Variants in APOBR observed in about 807,000 individuals in gnomAD.
APOBR encodes apoB-48R.
In APOBR, 57 loss-of-function variants were observed where a neutral mutation model predicts 88.5. The observed-to-expected ratio is 0.64, with a 90% CI of 0.52 to 0.80. APOBR has a LOEUF of 0.80. Among genes scored for constraint, APOBR ranks in the 30% least tolerant of loss-of-function variants. The pLI is 0.00. For synonymous variants in APOBR, 588 were observed against 572.7 expected (o/e 1.03, Z -0.38); for missense variants, 1,443 against 1,401.6 (o/e 1.03, Z -0.47).
Position 28,496,715 on chromosome 16 carries a change from C to A in APOBR, c.1674C>A (p.Val558=). ...GVEWGGLTHS[V]TKGQGPELMG... ...AATGGGGTGGCCTCACACACAGCGTCACCAAAGGCCAAGGACCTGAGCTGA... is the reference window on the plus strand; with the variant it reads ...AATGGGGTGGCCTCACACACAGCGTAACCAAAGGCCAAGGACCTGAGCTGA... Residue 558 remains valine (V), a synonymous_variant, in exon 2 of 4, where the codon GTC becomes GTA. Transcript: ENST00000564831. The A allele has an allele frequency of 6.2e-7, 1 of 1,600,366 alleles. No individual in the cohort carries two copies. The highest frequency in any genetic ancestry group is 2.3e-5 in the East Asian group (1 of 44,380).
At position 28,494,705 on chromosome 16, in the gene APOBR, C is replaced by T; in HGVS notation, c.24C>T (p.Leu8=). 1 of 1,612,516 alleles carries T rather than the reference C, an allele frequency of 6.2e-7. No homozygotes were observed. The highest frequency in any genetic ancestry group is 1.1e-5 in the South Asian group (1 of 90,918). Residue 8 remains leucine (L), a synonymous_variant, in exon 1 of 4, where the codon CTC becomes CTT. Transcript: ENST00000564831. MDFLRLY[L]PGLHQALRGA... ...GGATGGACTTCCTCCGGCTATACCT[C>T]CCTGGGCTGCACCAGGCCTTGAGGG...
chr16:28,498,029 G>T (rs375569550), intron 2 of APOBR, 33 bp downstream of exon 2: 1 of 1,553,002 alleles, frequency 6.4e-7, no homozygotes, highest in African/African-American at 1.4e-5. Flanking sequence ...CGGGGGGAAC[G>T]AGTGGAATCC....
At position 28,495,085 on chromosome 16, in the gene APOBR, CTCTTT is replaced by C; in HGVS notation, c.58-12_58-8del. 1.3e-6 allele frequency: 2 copies of C among 1,488,422 alleles called. No homozygotes were observed. Among genetic ancestry groups the C allele is most frequent in the Non-Finnish European group, 1.8e-6 (2 of 1,119,570 alleles). 92.2% of individuals were successfully genotyped at this position (1,488,422 alleles called of 1,614,324 possible). On this transcript the variant is annotated splice_polypyrimidine_tract_variant and intron_variant, in intron 1 of 3. Transcript: ENST00000564831. ...TCCTCAATGACTCTCCCCTCTCTCT[CTCTTT>C]TTTCCTAGGATTCCCTCGGCACCTT...
chr16:28,494,893 A>G, intron 1 of APOBR, 155 bp downstream of exon 1: 1 of 867,560 alleles, frequency 1.2e-6, no homozygotes, highest in South Asian at 1.9e-5. Context: ...CTGGCCTAAT[A>G]TTTTCTGAAT....
Position 28,498,161 on chromosome 16 carries a change from C to A in APOBR, c.3036C>A (p.Arg1012=), listed in dbSNP as rs377240266. The A allele has an allele frequency of 1.2e-6, 2 of 1,601,164 alleles. No individual in the cohort carries two copies. The highest frequency in any genetic ancestry group is 2.2e-5 in the South Asian group (2 of 90,826). ...VHLSRSSSQR[R]SRPSFRRTPA... ...TCTCGAGAAGCTCCTCACAGCGTCG[C>A]TCCCGGCCCTCTTTTCGTCGGACTC... Residue 1012 remains arginine (R), a synonymous_variant, in exon 3 of 4, where the codon CGC becomes CGA. Transcript: ENST00000564831.
rs2046410302 is a variant in APOBR at position 28,498,351 on chromosome 16, T to C, written c.3224+2T>C. On this transcript the variant is annotated splice_donor_variant, in intron 3 of 3. Coordinates refer to ENST00000564831, the MANE Select transcript of APOBR (RefSeq NM_018690.4). LOFTEE classifies it high-confidence loss of function. ...CAGGAGAAGGCCCCTGGGACACGGG[T>C]AGGCACAGGGCAACTCAGCTGGGGT... 6.3e-7 allele frequency: 1 copy of C among 1,596,226 alleles called. No individual in the cohort carries two copies. The highest frequency in any genetic ancestry group is 8.6e-7 in the Non-Finnish European group (1 of 1,169,278).
Position 28,497,350 on chromosome 16 carries a change from TC to T in APOBR, c.2312del (p.Pro771HisfsTer49). ...VAAGIMGGDV[V>X]PHISAAGAGE... ...GCTGGGATTATGGGGGGTGATGTGG[TC>T]CCACACATCAGCGCTGCTGGCGCTG... On this transcript the variant is annotated frameshift_variant, in exon 2 of 4. Coordinates refer to ENST00000564831, the MANE Select transcript of APOBR (RefSeq NM_018690.4). LOFTEE classifies it high-confidence loss of function. The T allele has an allele frequency of 6.2e-7, 1 of 1,608,564 alleles. No homozygotes were observed. Among genetic ancestry groups the T allele is most frequent in the Non-Finnish European group, 8.5e-7 (1 of 1,177,756 alleles).
In APOBR at chr16:28,496,333, T is replaced by A. The variant is rs760232423; in HGVS notation, c.1292T>A (p.Leu431Gln). 6.3e-7 allele frequency: 1 copy of A among 1,587,418 alleles called. No individual in the cohort carries two copies. Residue 431 changes from leucine to glutamine, a missense_variant, in exon 2 of 4, where the codon CTG (leucine) becomes CAG (glutamine). Transcript: ENST00000564831. ...CCTTTCCCCAAACAGCCCCAGGTCCTGGGCACTGAAAGAACAGAAGAGGCT... is the reference window on the plus strand; with the variant it reads ...CCTTTCCCCAAACAGCCCCAGGTCCAGGGCACTGAAAGAACAGAAGAGGCT... Reference protein sequence around the residue: ...VSPFPKQPQVLGTERTEEAAE... With the variant: ...VSPFPKQPQVQGTERTEEAAE...
Position 28,496,053 on chromosome 16 carries a change from G to A in APOBR, c.1012G>A (p.Gly338Arg), listed in dbSNP as rs371036947. ...AGTASGGEEA[G>R]IASGGEAGTA... ...GACAGCCTCGGGAGGGGAGGAGGCCGGGATAGCCTCAGGCGGGGAGGCTGG... is the reference window on the plus strand; with the variant it reads ...GACAGCCTCGGGAGGGGAGGAGGCCAGGATAGCCTCAGGCGGGGAGGCTGG... Residue 338 changes from glycine (G) to arginine (R), a missense_variant, in exon 2 of 4, where the codon GGG becomes AGG. Transcript: ENST00000564831. 2.4e-4 allele frequency: 382 copies of A among 1,568,570 alleles called. No individual in the cohort carries two copies. In the African/African-American group the frequency reaches 4.2e-3, roughly 17 times the overall value.
rs28576169 is a variant in APOBR, at chr16:28,495,561, A to G, written c.520A>G (p.Arg174Gly). 12,884 of 1,565,560 alleles carry G rather than the reference A, an allele frequency of 8.2e-3. 897 individuals are homozygous for G. In the African/African-American group the frequency reaches 0.15, roughly 19 times the overall value. ...EQEVNREERL[R>G]SWEQEEEEEE... ...GGAAGTGAACAGAGAAGAGAGGCTG[A>G]GAAGCTGGGAACAGGAGGAGGAGGA... Residue 174 changes from arginine to glycine, a missense_variant, in exon 2 of 4, where the codon AGA becomes GGA. Coordinates refer to ENST00000564831, the MANE Select transcript of APOBR (RefSeq NM_018690.4).
At position 28,495,527 on chromosome 16, in the gene APOBR, C is replaced by T. The variant is rs762121053; in HGVS notation, c.486C>T (p.Ser162=). 4 of 1,567,970 alleles carry T rather than the reference C, an allele frequency of 2.6e-6. No homozygotes were observed. The African/African-American group carries it at 5.4e-5, about 21-fold the overall frequency. The change falls in exon 2 of 4, where the codon TCC becomes TCT. Residue 162 remains serine, a synonymous_variant. Transcript: ENST00000564831. ...RSGQAQERQE[S]HEQEVNREER... ...GCCAAGCCCAGGAGAGGCAGGAGTCCCATGAGCAGGAAGTGAACAGAGAAG... is the reference window on the plus strand; with the variant it reads ...GCCAAGCCCAGGAGAGGCAGGAGTCTCATGAGCAGGAAGTGAACAGAGAAG...
In APOBR at chr16:28,496,108, CAGCCTCAGGAGGGGAGGAGGCCGG is replaced by C. The variant is rs780089175; in HGVS notation, c.1068_1091del (p.Ala357_Gly364del). 3.9e-6 allele frequency: 6 copies of C among 1,519,324 alleles called. No homozygotes were observed. In the South Asian group the frequency reaches 7.7e-5, roughly 19 times the overall value. The allele number at this position is 1,519,324 out of a possible 1,614,324, so 94.1% of individuals were successfully genotyped here. On this transcript the variant is annotated inframe_deletion, in exon 2 of 4. Coordinates refer to ENST00000564831, the MANE Select transcript of APOBR (RefSeq NM_018690.4). ...GCCTCAGGAGGGGAGGAGGCCGGGACAGCCTCAGGAGGGGAGGAGGCCGGGACAGCCTCAGGAGGGGACGAGGCC... is the reference window on the plus strand; with the variant it reads ...GCCTCAGGAGGGGAGGAGGCCGGGACGACAGCCTCAGGAGGGGACGAGGCC...
chr16:28,494,852 G>A (rs1410708645), intron 1 of APOBR, 114 bp downstream of exon 1: 1 of 1,111,774 alleles, frequency 9.0e-7, no homozygotes, highest in East Asian at 2.5e-5. Context: ...TCCTCAAACT[G>A]GAGATTGCTT....
At position 28,495,752 on chromosome 16, in the gene APOBR, G is replaced by C. The variant is rs1392600186; in HGVS notation, c.711G>C (p.Glu237Asp). The C allele has an allele frequency of 6.5e-7, 1 of 1,546,604 alleles. No individual in the cohort carries two copies. The highest frequency in any genetic ancestry group is 8.7e-7 in the Non-Finnish European group (1 of 1,145,376). The part of the protein sequence containing the change: ...GVREADAGET[E>D]EPGAEGAGKG... ...GGGAGGCAGATGCAGGGGAAACTGAGGAGCCTGGGGCCGAAGGGGCTGGGA... is the reference window on the plus strand; with the variant it reads ...GGGAGGCAGATGCAGGGGAAACTGACGAGCCTGGGGCCGAAGGGGCTGGGA... Residue 237 changes from glutamate (E) to aspartate (D), a missense_variant, in exon 2 of 4, where the codon GAG (glutamate) becomes GAC (aspartate). Transcript: ENST00000564831.
chr16:28,494,668 CA>C lies in APOBR; in HGVS notation c.-13del. The C allele has an allele frequency of 6.2e-7, 1 of 1,610,366 alleles. No homozygotes were observed. The highest frequency in any genetic ancestry group is 8.5e-7 in the Non-Finnish European group (1 of 1,177,706). On this transcript the variant is annotated 5_prime_UTR_variant, in exon 1 of 4. Coordinates refer to ENST00000564831, the MANE Select transcript of APOBR (RefSeq NM_018690.4). ...ATTATCAGCTTTCTGGACACACAGA[CA>C]GAGACAGACAGGATGGACTTCCTCC... is the stretch of plus-strand genomic sequence containing the variant.
In APOBR at chr16:28,497,289, C is replaced by T; in HGVS notation, c.2248C>T (p.Pro750Ser). ...WRLQAVAVGL[P>S]DREDAQTGSV... Reference sequence around the variant, plus strand: ...GCTGCAAGCGGTGGCTGTGGGCCTCCCGGACCGTGAGGATGCACAGACTGG... The same window carrying T: ...GCTGCAAGCGGTGGCTGTGGGCCTCTCGGACCGTGAGGATGCACAGACTGG... Residue 750 changes from proline (P) to serine (S), a missense_variant, in exon 2 of 4, where the codon CCG (proline) becomes TCG (serine). Coordinates refer to ENST00000564831, the MANE Select transcript of APOBR (RefSeq NM_018690.4). 1.3e-6 allele frequency: 2 copies of T among 1,593,596 alleles called. No homozygotes were observed. The highest frequency in any genetic ancestry group is 1.1e-5 in the South Asian group (1 of 88,358).
In APOBR at chr16:28,496,068, G is replaced by A. The variant is rs181115807; in HGVS notation, c.1027G>A (p.Gly343Arg). Residue 343 changes from glycine to arginine, a missense_variant, in exon 2 of 4, where the codon GGG becomes AGG. Coordinates refer to ENST00000564831, the MANE Select transcript of APOBR (RefSeq NM_018690.4). The stretch of plus-strand genomic sequence containing the variant: ...GGAGGAGGCCGGGATAGCCTCAGGC[G>A]GGGAGGCTGGGACAGCCTCAGGAGG... Reference protein sequence around the residue: ...GGEEAGIASGGEAGTASGGEE... With the variant: ...GGEEAGIASGREAGTASGGEE... 2,025 of 1,553,472 alleles carry A rather than the reference G, an allele frequency of 1.3e-3. 66 individuals carry two copies. The East Asian group carries it at 0.041, about 32-fold the overall frequency.
At position 28,497,452 on chromosome 16, in the gene APOBR, C is replaced by G; in HGVS notation, c.2411C>G (p.Ala804Gly). 1 of 1,613,856 alleles carries G rather than the reference C, an allele frequency of 6.2e-7. No individual in the cohort carries two copies. The highest frequency in any genetic ancestry group is 2.2e-5 in the East Asian group (1 of 44,860). Residue 804 changes from alanine to glycine, a missense_variant, in exon 2 of 4, where the codon GCA becomes GGA. Ala to Gly is a moderately conservative substitution (Grantham distance 60). Transcript: ENST00000564831. ...GAAGAGGCAGCAGCAGGAGAGCATG[C>G]AGGTGGGCAAGAATTTGGTCTGGAG... Reference protein sequence around the residue: ...EKEEAAAGEHAGGQEFGLEGS... With the variant: ...EKEEAAAGEHGGGQEFGLEGS...
chr16:28,498,502 G>A lies in APOBR; in HGVS notation c.3291G>A (p.Gln1097=), dbSNP rs751291362. ...LQARLGRPKP[Q] is the part of the protein sequence containing the mutation. ...CCCGTCTGGGCCGGCCTAAGCCCCAGTGACTGAGACCCGGTGCTCTGGGAG... is the reference window on the plus strand; with the variant it reads ...CCCGTCTGGGCCGGCCTAAGCCCCAATGACTGAGACCCGGTGCTCTGGGAG... Residue 1097 remains glutamine (Q), a synonymous_variant, in exon 4 of 4, where the codon CAG becomes CAA. Coordinates refer to ENST00000564831, the MANE Select transcript of APOBR (RefSeq NM_018690.4). The A allele has an allele frequency of 6.3e-7, 1 of 1,595,376 alleles. No homozygotes were observed. Among genetic ancestry groups the A allele is most frequent in the Non-Finnish European group, 8.5e-7 (1 of 1,171,706 alleles).
Sources: allele counts gnomAD v4.1 joint callset, GRCh38; gene constraint gnomAD v4.1.1; transcripts MANE v1.5; gene names NCBI Gene and HGNC (gene_info 2026-07-23, HGNC 2026-07-21).